PKNOX2: variants seen among roughly 807,000 people sequenced by gnomAD.
PKNOX2 encodes the protein PBX/knotted 1 homeobox 2.
In PKNOX2, 14 loss-of-function variants were observed where a neutral mutation model predicts 53.1. That is an observed-to-expected ratio of 0.26 (90% CI 0.17 to 0.41). The LOEUF (loss-of-function observed/expected upper bound fraction) is 0.41, where lower values mean the gene tolerates loss of function less well. PKNOX2 is among the 10% of genes least tolerant of loss of function. The pLI is 1.00. For missense variants in PKNOX2, 496 were observed against 602.8 expected (o/e 0.82, Z 1.85); for synonymous variants, 257 against 242.8 (o/e 1.06, Z -0.54).
chr11:125,327,168 TC>T (rs1949870474), intron 2 of PKNOX2, among the ~76,000 whole-genome samples: 1 of 152,172 alleles, frequency 6.6e-6, no homozygotes, highest in Non-Finnish European at 1.5e-5. Flanking sequence ...GGCCACAGAT[TC>T]CAGAGGCTCG....
At chr11:125,193,932 C>T (rs1957023633) in intron 1 of PKNOX2, among the ~76,000 whole-genome samples, 1 of 152,198 alleles carries the variant, frequency 6.6e-6, no homozygotes, top group Admixed American at 6.5e-5. Context: ...ACAAATTTCT[C>T]CCCACAGTGT....
Position 125,431,884 on chromosome 11 carries a change from A to C in PKNOX2, c.*492A>C, listed in dbSNP as rs1956719090. On this transcript the variant is annotated 3_prime_UTR_variant, in exon 13 of 13. Transcript: ENST00000298282. The stretch of plus-strand genomic sequence containing the variant: ...CCTTTGACAGACATTCAAGGGCAGG[A>C]GGGAGCCCCAAAGCATAACCAGTGG... 6.1e-6 allele frequency: 1 copy of C among 163,322 alleles called. No homozygotes were observed. The highest frequency in any genetic ancestry group is 1.3e-5 in the Non-Finnish European group (1 of 74,474). 10.1% of individuals were successfully genotyped at this position (163,322 alleles called of 1,614,324 possible). A position where few individuals can be genotyped will look rare whatever the true frequency, so the allele number is the denominator to read the frequency against.
chr11:125,289,579 C>G (rs1947171886), intron 2 of PKNOX2, among the ~76,000 whole-genome samples: 1 of 152,192 alleles, frequency 6.6e-6, no homozygotes, highest in Non-Finnish European at 1.5e-5. Context: ...CACTCTCTCC[C>G]TGAGCTTTCA....
chr11:125,422,261 G>A lies in PKNOX2; in HGVS notation c.937-6751G>A, dbSNP rs566403872. On this transcript the variant is annotated intron_variant, in intron 10 of 12. Transcript: ENST00000298282. The surrounding 1 kb of genome is among the most constrained non-coding windows in gnomAD (Gnocchi z 4.1). ...AGCCACGACTGTCTTCATTCTAGAC[G>A]CTGTTCAGGCATCTGTGCCTGAAGG... Among the ~76,000 whole-genome samples the A allele has an allele frequency of 3.3e-5, 5 of 152,192 alleles. No homozygotes were observed. The South Asian group carries it at 6.2e-4, about 19-fold the overall frequency.
chr11:125,305,019 T>C (rs1175818109), intron 2 of PKNOX2, among the ~76,000 whole-genome samples: 1 of 152,208 alleles, frequency 6.6e-6, no homozygotes, highest in Non-Finnish European at 1.5e-5. Context: ...CTAAAAAGCA[T>C]GTTCAAGTTC....
intron 2 of PKNOX2, among the ~76,000 whole-genome samples, chr11:125,297,580 C>T (rs1477315190): frequency 6.6e-6 from 1 of 152,150 alleles, no homozygotes; most frequent in Non-Finnish European, 1.5e-5. Flanking sequence ...GTGTTGTGCA[C>T]TTAAGGAAAT....
At chr11:125,398,613 C>T (rs1455531332) in intron 7 of PKNOX2, among the ~76,000 whole-genome samples, 1 of 152,246 alleles carries the variant, frequency 6.6e-6, no homozygotes, top group Non-Finnish European at 1.5e-5. Flanking sequence ...TCAAGGTCAC[C>T]TCAAACCACC....
chr11:125,216,056 A>G (rs1221927538), intron 1 of PKNOX2, among the ~76,000 whole-genome samples: 1 of 152,172 alleles, frequency 6.6e-6, no homozygotes, highest in African/African-American at 2.4e-5. Context: ...CTAGATCCTC[A>G]AAAGCTTTAA....
At chr11:125,302,849 A>C (rs921997329) in intron 2 of PKNOX2, among the ~76,000 whole-genome samples, 1 of 152,318 alleles carries the variant, frequency 6.6e-6, no homozygotes, top group Non-Finnish European at 1.5e-5. Context: ...AAAGTCAGGC[A>C]ATACCTGAGC....
At chr11:125,320,106 A>G (rs1949435918) in intron 2 of PKNOX2, among the ~76,000 whole-genome samples, 1 of 152,224 alleles carries the variant, frequency 6.6e-6, no homozygotes, top group Admixed American at 6.5e-5. Flanking sequence ...GGGTCCTCAT[A>G]TCCCTTGCTG....
chr11:125,283,238 G>A (rs1197986994), intron 2 of PKNOX2, among the ~76,000 whole-genome samples: 1 of 152,112 alleles, frequency 6.6e-6, no homozygotes. Flanking sequence ...CCATCAGATA[G>A]CACAGACAAG....
rs183513837 is a variant in PKNOX2, at chr11:125,166,357, T to C, written c.-201+1581T>C. On this transcript the variant is annotated intron_variant, in intron 1 of 12. Transcript: ENST00000298282. This position sits in a 1 kb window ranked among gnomAD's most constrained non-coding sequence, Gnocchi z 4.0. ...CCATGGCAGGCGAGCCCCGAATTTT[T>C]GCTGCTTCCCCCTGAAAGTGTTTCT... is the stretch of plus-strand genomic sequence containing the variant. 2.1e-4 allele frequency among the ~76,000 whole-genome samples: 32 copies of C among 152,350 alleles called. No individual in the cohort carries two copies. Among genetic ancestry groups the C allele is most frequent in the African/African-American group, 7.7e-4 (32 of 41,594 alleles).
intron 3 of PKNOX2, among the ~76,000 whole-genome samples, chr11:125,341,377 A>AG (rs1431819984): frequency 2.2e-4 from 33 of 152,154 alleles, no homozygotes; most frequent in African/African-American, 7.9e-4. Flanking sequence ...AAAAAAGGAA[A>AG]GAAAAAAAGG....
chr11:125,196,600 G>T (rs551250565), intron 1 of PKNOX2, among the ~76,000 whole-genome samples: 21 of 152,312 alleles, frequency 1.4e-4, no homozygotes, highest in African/African-American at 4.8e-4. Context: ...GGAGGAGGAA[G>T]ATCTGAGAGC....
intron 1 of PKNOX2, among the ~76,000 whole-genome samples, chr11:125,183,438 G>C (rs1341292712): frequency 1.8e-5 from 1 of 54,394 alleles, no homozygotes; most frequent in Non-Finnish European, 4.6e-5. Flanking sequence ...GGATGGTCTC[G>C]ATCTCCTGAC....
intron 2 of PKNOX2, among the ~76,000 whole-genome samples, chr11:125,318,710 G>C (rs989369491): frequency 1.3e-5 from 2 of 152,148 alleles, no homozygotes; most frequent in Non-Finnish European, 2.9e-5. Context: ...TCAATGATAT[G>C]GTTCGGCTCT....
At chr11:125,248,437 T>C (rs1310592980) in intron 2 of PKNOX2, among the ~76,000 whole-genome samples, 2 of 152,154 alleles carry the variant, frequency 1.3e-5, no homozygotes, top group Non-Finnish European at 2.9e-5. Context: ...AGATGGGCCA[T>C]TGGAATAAGA....
rs1291158636 is a variant in PKNOX2 at position 125,427,197 on chromosome 11, C to A, written c.937-1815C>A. Among the ~76,000 whole-genome samples the A allele has an allele frequency of 5.3e-5, 8 of 152,202 alleles. No individual in the cohort carries two copies. The East Asian group carries it at 1.5e-3, about 29-fold the overall frequency. On this transcript the variant is annotated intron_variant, in intron 10 of 12. Transcript: ENST00000298282. ...GCTCCCAGAGTCCTTGCCTCTCTGCCCCCTGGGGCCATCTGCACCCTCTCC... is the reference window on the plus strand; with the variant it reads ...GCTCCCAGAGTCCTTGCCTCTCTGCACCCTGGGGCCATCTGCACCCTCTCC...
chr11:125,407,441 T>G (rs984911304), intron 7 of PKNOX2, among the ~76,000 whole-genome samples: 1 of 152,230 alleles, frequency 6.6e-6, no homozygotes, highest in Non-Finnish European at 1.5e-5. Context: ...TGTTGGGTAC[T>G]TTTTTGGGGG....
Sources: gnomAD v4.1 joint callset for allele counts (sites outside exome capture counted in the v4.1 genomes callset) on GRCh38, gnomAD v4.1.1 for gene constraint, Gnocchi (gnomAD v3.1) non-coding constraint, MANE v1.5 for transcripts, NCBI Gene and HGNC (gene_info 2026-07-23, HGNC 2026-07-21) for gene names.